The following FYN variants were observed in gnomAD, a reference collection of about 807,000 sequenced individuals.
FYN encodes tyrosine-protein kinase Fyn.
A neutral mutation model predicts 70.2 loss-of-function variants in FYN; 10 were observed. The observed-to-expected ratio is 0.14, with a 90% CI of 0.09 to 0.24. FYN has a LOEUF of 0.24. Ranked by LOEUF, FYN falls within the 10% of genes least tolerant of loss-of-function variation. The pLI is 1.00. For synonymous variants in FYN, 236 were observed against 248.6 expected, an observed-to-expected ratio of 0.95 and a Z score of 0.48; for missense variants, 319 against 673.1, an observed-to-expected ratio of 0.47 and a Z score of 5.82.
Position 111,675,834 on chromosome 6 carries a change from T to TAAATAAATAAATA in FYN, c.1274-1205_1274-1204insTATTTATTTATTT, listed in dbSNP as rs1296449227. ...AAATAAAAATAAATAAATAAATAAA[T>TAAATAAATAAATA]AAATAAAATAAAATAAAATAAAAGG... On this transcript the variant is annotated intron_variant, in intron 12 of 13. Transcript: ENST00000354650. Among the ~76,000 whole-genome samples the TAAATAAATAAATA allele has an allele frequency of 8.6e-4, 129 of 150,708 alleles. 1 individual carries two copies. The highest frequency in any genetic ancestry group is 2.9e-3 in the African/African-American group (121 of 41,164).
At chr6:111,853,192 C>T (rs1010037649) in intron 1 of FYN, among the ~76,000 whole-genome samples, 2 of 152,122 alleles carry the variant, frequency 1.3e-5, no homozygotes, top group Non-Finnish European at 2.9e-5. Flanking sequence ...TGGAAGACCA[C>T]GGAATCAGAA....
chr6:111,864,635 A>G (rs7771316), intron 1 of FYN, among the ~76,000 whole-genome samples: 52,119 of 151,938 alleles, frequency 0.34, 13,147 homozygotes, highest in African/African-American at 0.72. Context: ...CTCAAGAGGC[A>G]GTAGGTTTTG....
intron 3 of FYN, among the ~76,000 whole-genome samples, chr6:111,747,820 T>C (rs1802298378): frequency 6.6e-6 from 1 of 152,268 alleles, no homozygotes; most frequent in Non-Finnish European, 1.5e-5. Context: ...AGCAATTTAA[T>C]ATTTGTTGAG....
At chr6:111,746,848 G>T (rs1026060223) in intron 3 of FYN, among the ~76,000 whole-genome samples, 3 of 151,854 alleles carry the variant, frequency 2.0e-5, no homozygotes, top group African/African-American at 2.4e-5. Flanking sequence ...AGAAAGGAAG[G>T]GGGGAAGGAA....
chr6:111,732,552 C>A (rs1801513692), intron 3 of FYN, among the ~76,000 whole-genome samples: 1 of 152,186 alleles, frequency 6.6e-6, no homozygotes, highest in Non-Finnish European at 1.5e-5. Flanking sequence ...GCTGTCCCAC[C>A]AAATCCACCC....
chr6:111,679,030 C>T (rs1423074217), intron 12 of FYN, among the ~76,000 whole-genome samples: 2 of 152,096 alleles, frequency 1.3e-5, no homozygotes, highest in African/African-American at 4.8e-5. Context: ...TAATCTGGTC[C>T]CTACCTACTT....
chr6:111,686,770 G>T lies in FYN; in HGVS notation c.1273+7605C>A, dbSNP rs79749601. Among the ~76,000 whole-genome samples the T allele has an allele frequency of 1.4e-3, 216 of 152,352 alleles. 3 individuals carry two copies. In the East Asian group the frequency reaches 0.04, roughly 28 times the overall value. On this transcript the variant is annotated intron_variant, in intron 12 of 13. Transcript: ENST00000354650. Reference sequence around the variant, plus strand: ...ATTCATGTGCTGACGGGGGCAGAGGGAGGGCATCTCACGGCGAGATCAGCC... The same window carrying T: ...ATTCATGTGCTGACGGGGGCAGAGGTAGGGCATCTCACGGCGAGATCAGCC...
chr6:111,673,361 T>C (rs1328791834), intron 13 of FYN, among the ~76,000 whole-genome samples: 1 of 152,144 alleles, frequency 6.6e-6, no homozygotes, highest in Non-Finnish European at 1.5e-5. Context: ...CTTCAGAGAC[T>C]GGGAATTTGT....
Position 111,821,561 on chromosome 6 carries a change from G to C in FYN, c.-82+25028C>G, listed in dbSNP as rs112230155. Reference sequence around the variant, plus strand: ...AGAAAACCTAGGCAATACCATTCAGGATACAGGCATGGGTAATGACTTCAT... The same window carrying C: ...AGAAAACCTAGGCAATACCATTCAGCATACAGGCATGGGTAATGACTTCAT... On this transcript the variant is annotated intron_variant, in intron 2 of 13. Transcript: ENST00000354650. Among the ~76,000 whole-genome samples the C allele has an allele frequency of 3.1e-3, 465 of 152,222 alleles. 1 individual carries two copies. Among genetic ancestry groups the C allele is most frequent in the African/African-American group, 0.011 (437 of 41,506 alleles).
chr6:111,676,830 G>A (rs1798546483), intron 12 of FYN, among the ~76,000 whole-genome samples: 1 of 152,274 alleles, frequency 6.6e-6, no homozygotes, highest in East Asian at 1.9e-4. Context: ...GTGAAGGTGT[G>A]TGTGTTGCTG....
chr6:111,664,038 A>T (rs1291070556), intron 13 of FYN, among the ~76,000 whole-genome samples: 1 of 152,110 alleles, frequency 6.6e-6, no homozygotes, highest in Non-Finnish European at 1.5e-5. Flanking sequence ...TGGCCACAAA[A>T]CCTGAACTGA....
intron 3 of FYN, among the ~76,000 whole-genome samples, chr6:111,778,528 T>C (rs1771038874): frequency 6.6e-6 from 1 of 152,116 alleles, no homozygotes; most frequent in Non-Finnish European, 1.5e-5. Context: ...CTCTCTCCTT[T>C]GTATTCCTCA....
At chr6:111,774,655 T>C (rs1373562195) in intron 3 of FYN, among the ~76,000 whole-genome samples, 1 of 151,464 alleles carries the variant, frequency 6.6e-6, no homozygotes, top group East Asian at 2.0e-4. Context: ...TTGCACTGCC[T>C]AGGAAGTGGT....
chr6:111,687,575 C>A (rs539398884), intron 12 of FYN, among the ~76,000 whole-genome samples: 5 of 125,056 alleles, frequency 4.0e-5, no homozygotes, highest in African/African-American at 1.7e-4. Flanking sequence ...CTGATGGGAG[C>A]GATCAGGAAA....
chr6:111,768,470 T>C (rs1803317462), intron 3 of FYN, among the ~76,000 whole-genome samples: 1 of 152,212 alleles, frequency 6.6e-6, no homozygotes, highest in Admixed American at 6.5e-5. Context: ...GAGGTGTAAT[T>C]TGTATACAGT....
chr6:111,738,522 A>C (rs1801805617), intron 3 of FYN, among the ~76,000 whole-genome samples: 1 of 152,206 alleles, frequency 6.6e-6, no homozygotes, highest in African/African-American at 2.4e-5. Flanking sequence ...TCCCTGGTCA[A>C]AGGTAACTAT....
At chr6:111,681,253 C>T (rs1293915760) in intron 12 of FYN, among the ~76,000 whole-genome samples, 1 of 152,126 alleles carries the variant, frequency 6.6e-6, no homozygotes, top group Non-Finnish European at 1.5e-5. Context: ...CTCTTGAACT[C>T]CTGACCTCAG....
At chr6:111,745,608 A>C (rs1358115533) in intron 3 of FYN, among the ~76,000 whole-genome samples, 1 of 152,220 alleles carries the variant, frequency 6.6e-6, no homozygotes, top group Non-Finnish European at 1.5e-5. Flanking sequence ...CCAAATGTGA[A>C]GGAGGGAGCA....
rs1799501731 is a variant in FYN at position 111,694,747 on chromosome 6, T to C, written c.1043-43A>G. 4 of 1,525,026 alleles carry C rather than the reference T, an allele frequency of 2.6e-6. No homozygotes were observed. The highest frequency in any genetic ancestry group is 3.6e-6 in the Non-Finnish European group (4 of 1,105,432). 94.5% of individuals were successfully genotyped at this position (1,525,026 alleles called of 1,614,324 possible). The stretch of plus-strand genomic sequence containing the variant: ...AATCATTTCAATTTACTTTGAAAGA[T>C]AATTCCCAACAGAGAGCTGTATTTG... On this transcript the variant is annotated intron_variant, in intron 10 of 13. Coordinates refer to ENST00000354650, the MANE Select transcript of FYN (RefSeq NM_002037.5). The surrounding 1 kb of genome is among the most constrained non-coding windows in gnomAD (Gnocchi z 5.0).
Sources: allele counts gnomAD v4.1 joint callset (sites outside exome capture counted in the v4.1 genomes callset), GRCh38; gene constraint gnomAD v4.1.1; non-coding constraint Gnocchi (gnomAD v3.1); transcripts MANE v1.5; gene names NCBI Gene and HGNC (gene_info 2026-07-23, HGNC 2026-07-21).